The following ZCCHC8 variants were observed in gnomAD, a reference collection of about 807,000 sequenced individuals.
The protein encoded by ZCCHC8 is zinc finger CCHC-type containing 8.
In ZCCHC8, 27 loss-of-function variants were observed where a neutral mutation model predicts 70.6. The ratio of observed to expected loss-of-function variants is 0.38; its 90% CI spans 0.28 to 0.53. ZCCHC8 has a LOEUF of 0.53. Among genes scored for constraint, ZCCHC8 ranks in the 20% least tolerant of loss-of-function variants. The pLI is 0.81. For synonymous variants in ZCCHC8, 293 were observed against 317.4 expected (o/e 0.92, Z 0.82); for missense variants, 737 against 876.9 (o/e 0.84, Z 2.01).
rs775988353 is a variant in ZCCHC8 at position 122,481,654 on chromosome 12, G to A, written c.886C>T (p.Gln296Ter). The part of the protein sequence containing the change: ...FKPGVISEEL[Q>*]DALGVTDKSL... ...TTGTCTGTCACACCTAGTGCATCTTGAAGTTCCTCACTAAGTAAAAATAAA... is the reference window on the plus strand; with the variant it reads ...TTGTCTGTCACACCTAGTGCATCTTAAAGTTCCTCACTAAGTAAAAATAAA... Residue 296 changes from glutamine (Q) to a stop codon, truncating the protein, a stop_gained, in exon 10 of 14, where the codon CAA becomes TAA. Transcript: ENST00000633063. LOFTEE classifies it high-confidence loss of function. The A allele has an allele frequency of 6.2e-7, 1 of 1,611,256 alleles. No homozygotes were observed. The highest frequency in any genetic ancestry group is 8.5e-7 in the Non-Finnish European group (1 of 1,179,200).
At chr12:122,482,595 C>A in intron 8 of ZCCHC8, 40 bp downstream of exon 8, 1 of 1,512,254 alleles carries the variant, frequency 6.6e-7, no homozygotes, top group South Asian at 1.2e-5. Context: ...CATTAGAAAG[C>A]TCTTGTTCAA....
In ZCCHC8 at chr12:122,492,777, C is replaced by T. The variant is rs1335492716; in HGVS notation, c.255G>A (p.Val85=). ...NILTRPSGIL[V]NDTKLDGPIL... is the part of the protein sequence containing the mutation. Reference sequence around the variant, plus strand: ...TAGGTCCATCTAACTTAGTATCGTTCACCAATATTCCACTAAAACAGAAGT... The same window carrying T: ...TAGGTCCATCTAACTTAGTATCGTTTACCAATATTCCACTAAAACAGAAGT... The change falls in exon 3 of 14, where the codon GTG becomes GTA. Residue 85 remains valine, a synonymous_variant. Coordinates refer to ENST00000633063, the MANE Select transcript of ZCCHC8 (RefSeq NM_017612.5). 2.2e-5 allele frequency: 34 copies of T among 1,542,494 alleles called. No individual in the cohort carries two copies. The Admixed American group carries it at 5.8e-4, about 26-fold the overall frequency.
intron 11 of ZCCHC8, 39 bp from the exon 12 acceptor site, chr12:122,478,331 T>C: frequency 6.9e-7 from 1 of 1,441,120 alleles, no homozygotes; most frequent in Non-Finnish European, 9.5e-7. Flanking sequence ...AACACATGTA[T>C]TTGGAAAATG....
intron 5 of ZCCHC8, among the ~76,000 whole-genome samples, chr12:122,488,491 G>A (rs1361315822): frequency 3.9e-5 from 6 of 151,968 alleles, no homozygotes; most frequent in Admixed American, 3.9e-4. Flanking sequence ...TAAAATTGTG[G>A]TATACTAATA....
At chr12:122,487,722 A>C (rs538717086) in intron 5 of ZCCHC8, among the ~76,000 whole-genome samples, 1 of 152,308 alleles carries the variant, frequency 6.6e-6, no homozygotes, top group African/African-American at 2.4e-5. Flanking sequence ...TCTTTTACAA[A>C]TAACAACCTT....
rs1419238938 is a variant in ZCCHC8, at chr12:122,500,770, G to A, written c.71C>T (p.Pro24Leu). Reference sequence around the variant, plus strand: ...CTTGAAGCGAGTGTGAACGGGCTTCGGAATCGACTCCTCTGGGTGGTCGAA... The same window carrying A: ...CTTGAAGCGAGTGTGAACGGGCTTCAGAATCGACTCCTCTGGGTGGTCGAA... ...EPFDHPEESI[P>L]KPVHTRFKDD... The change falls in exon 1 of 14, where the codon CCG becomes CTG. Residue 24 changes from proline (P) to leucine (L), a missense_variant. Physicochemically the swap from Pro to Leu is moderately conservative, Grantham distance 98. Transcript: ENST00000633063. The surrounding 1 kb of genome is among the most constrained non-coding windows in gnomAD (Gnocchi z 4.8). 6.3e-7 allele frequency: 1 copy of A among 1,590,764 alleles called. No homozygotes were observed. Among genetic ancestry groups the A allele is most frequent in the Middle Eastern group, 1.7e-4 (1 of 6,046 alleles).
chr12:122,499,194 A>G lies in ZCCHC8; in HGVS notation c.200-325T>C. 1.4e-5 allele frequency: 5 copies of G among 363,032 alleles called. No individual in the cohort carries two copies. In the South Asian group the frequency reaches 1.5e-4, roughly 11 times the overall value. 22.5% of individuals were successfully genotyped at this position (363,032 alleles called of 1,614,324 possible). A position where few individuals can be genotyped will look rare whatever the true frequency, so the allele number is the denominator to read the frequency against. On this transcript the variant is annotated intron_variant, in intron 1 of 13. Coordinates refer to ENST00000633063, the MANE Select transcript of ZCCHC8 (RefSeq NM_017612.5). ...CAACAACCACTATGTGATAAAGAGAATGCAGTATAACGAGCTGTTAACAAC... is the reference window on the plus strand; with the variant it reads ...CAACAACCACTATGTGATAAAGAGAGTGCAGTATAACGAGCTGTTAACAAC...
rs1957693955 is a variant in ZCCHC8 at position 122,488,959 on chromosome 12, TG to T, written c.501+426del. On this transcript the variant is annotated intron_variant, in intron 5 of 13. Coordinates refer to ENST00000633063, the MANE Select transcript of ZCCHC8 (RefSeq NM_017612.5). ...GAATTTTGCACAGGTATTGAAAGGCTGTAGCCTAAATGTAGGTCATCCCTGT... is the reference window on the plus strand; with the variant it reads ...GAATTTTGCACAGGTATTGAAAGGCTTAGCCTAAATGTAGGTCATCCCTGT... Among the ~76,000 whole-genome samples, 3 of 152,334 alleles carry T rather than the reference TG, an allele frequency of 2.0e-5. No homozygotes were observed. The South Asian group carries it at 6.2e-4, about 32-fold the overall frequency.
At position 122,500,531 on chromosome 12, in the gene ZCCHC8, C is replaced by T; in HGVS notation, c.199+111G>A. On this transcript the variant is annotated intron_variant, in intron 1 of 13. Transcript: ENST00000633063. This position sits in a 1 kb window ranked among gnomAD's most constrained non-coding sequence, Gnocchi z 4.8. ...GAAAGCACTTGGAATTCTGGCCCTC[C>T]TGGAACTTCCGCCCGCGCCCTCGCC... 7.5e-7 allele frequency: 1 copy of T among 1,325,344 alleles called. No individual in the cohort carries two copies. The highest frequency in any genetic ancestry group is 1.0e-6 in the Non-Finnish European group (1 of 996,892). 82.1% of individuals were successfully genotyped at this position (1,325,344 alleles called of 1,614,324 possible).
chr12:122,491,444 G>A (rs1033406401), intron 3 of ZCCHC8, among the ~76,000 whole-genome samples: 10 of 149,962 alleles, frequency 6.7e-5, no homozygotes, highest in East Asian at 1.9e-4. Flanking sequence ...CAAGAGAATC[G>A]CTTGAACCCA....
At chr12:122,489,966 AC>A (rs1460473869) in intron 4 of ZCCHC8, among the ~76,000 whole-genome samples, 2 of 150,662 alleles carry the variant, frequency 1.3e-5, no homozygotes, top group Non-Finnish European at 2.9e-5. Flanking sequence ...AATACTACTT[AC>A]CTTAATTTTT....
Position 122,474,013 on chromosome 12 carries a change from G to C in ZCCHC8, c.1608C>G (p.Ser536Arg), listed in dbSNP as rs1291358484. 9 of 1,555,428 alleles carry C rather than the reference G, an allele frequency of 5.8e-6. No individual in the cohort carries two copies. Among genetic ancestry groups the C allele is most frequent in the Non-Finnish European group, 7.8e-6 (9 of 1,153,522 alleles). The change falls in exon 14 of 14, where the codon AGC becomes AGG. Residue 536 changes from serine to arginine, a missense_variant. Transcript: ENST00000633063. The stretch of plus-strand genomic sequence containing the variant: ...CAGGAACGTCGGAGTCGCTGTTTAC[G>C]CTCTCGGCCTGCTCAAGAGCTGCCC... ...RIWAALEQAE[S>R]VNSDSDVPVD... is the part of the protein sequence containing the mutation.
chr12:122,493,207 C>T (rs1399873845), intron 2 of ZCCHC8, among the ~76,000 whole-genome samples: 1 of 152,170 alleles, frequency 6.6e-6, no homozygotes, highest in Non-Finnish European at 1.5e-5. Flanking sequence ...GCATTTTCCA[C>T]ATATTGCAGT....
In ZCCHC8 at chr12:122,478,267, G is replaced by C; in HGVS notation, c.1166C>G (p.Pro389Arg). The C allele has an allele frequency of 6.2e-7, 1 of 1,600,162 alleles. No individual in the cohort carries two copies. The highest frequency in any genetic ancestry group is 8.5e-7 in the Non-Finnish European group (1 of 1,173,348). ...ATCCTTCTGCTGACATGCCTGCATTGGTATGGAACCAAAGATCCTCCATTC... is the reference window on the plus strand; with the variant it reads ...ATCCTTCTGCTGACATGCCTGCATTCGTATGGAACCAAAGATCCTCCATTC... ...PDEWRIFGSI[P>R]MQACQQKDVF... Residue 389 changes from proline to arginine, a missense_variant, in exon 12 of 14, where the codon CCA becomes CGA. Transcript: ENST00000633063.
intron 4 of ZCCHC8, among the ~76,000 whole-genome samples, chr12:122,490,164 T>C (rs1307819716): frequency 1.3e-5 from 2 of 152,210 alleles, no homozygotes; most frequent in East Asian, 3.8e-4. Context: ...CTGTTGGTTT[T>C]AGATAAAAGG....
intron 5 of ZCCHC8, among the ~76,000 whole-genome samples, chr12:122,487,063 T>C (rs1957655496): frequency 6.6e-6 from 1 of 152,250 alleles, no homozygotes; most frequent in African/African-American, 2.4e-5. Flanking sequence ...ACCTTCCTAC[T>C]GCCTGGAGTG....
At chr12:122,494,913 T>A (rs1019097675) in intron 2 of ZCCHC8, among the ~76,000 whole-genome samples, 2 of 152,178 alleles carry the variant, frequency 1.3e-5, no homozygotes, top group African/African-American at 4.8e-5. Flanking sequence ...TGAGTCCAGT[T>A]TGATGAACCA....
At chr12:122,499,482 G>GA (rs1433957912) in intron 1 of ZCCHC8, 1 of 153,392 alleles carries the variant, frequency 6.5e-6, no homozygotes, top group Non-Finnish European at 1.4e-5. Flanking sequence ...TGGCCAGGCT[G>GA]ACCTCCTGAT....
At position 122,478,284 on chromosome 12, in the gene ZCCHC8, C is replaced by G; in HGVS notation, c.1149G>C (p.Arg383Ser). The change falls in exon 12 of 14, where the codon AGG becomes AGC. Residue 383 changes from arginine to serine, a missense_variant. Transcript: ENST00000633063. ...STPRGIPDEWRIFGSIPMQAC... is the reference protein window; with the variant it reads ...STPRGIPDEWSIFGSIPMQAC... ...CCTGCATTGGTATGGAACCAAAGATCCTCCATTCCTAATGATGAAAAGAGA... is the reference window on the plus strand; with the variant it reads ...CCTGCATTGGTATGGAACCAAAGATGCTCCATTCCTAATGATGAAAAGAGA... 6.3e-7 allele frequency: 1 copy of G among 1,587,194 alleles called. No homozygotes were observed. Among genetic ancestry groups the G allele is most frequent in the Non-Finnish European group, 8.6e-7 (1 of 1,167,404 alleles).
Sources: allele counts gnomAD v4.1 joint callset (sites outside exome capture counted in the v4.1 genomes callset), GRCh38; gene constraint gnomAD v4.1.1; non-coding constraint Gnocchi (gnomAD v3.1); transcripts MANE v1.5; gene names NCBI Gene and HGNC (gene_info 2026-07-23, HGNC 2026-07-21).